CDH12: variants seen among roughly 807,000 people sequenced by gnomAD.
CDH12 encodes the protein cadherin-12.
Under a neutral mutation model 74.1 loss-of-function variants are expected in CDH12, and 41 were observed. The observed-to-expected ratio is 0.55, with a 90% CI of 0.43 to 0.72. The LOEUF (loss-of-function observed/expected upper bound fraction) is 0.72. Ranked by LOEUF, CDH12 falls within the 30% of genes least tolerant of loss-of-function variation. CDH12 has a pLI of 0.00. For missense variants in CDH12, 945 were observed against 977.2 expected (o/e 0.97, Z 0.44); for synonymous variants, 399 against 355.0 (o/e 1.12, Z -1.39).
intron 6 of CDH12, among the ~76,000 whole-genome samples, chr5:21,875,896 A>ATTT (rs34435511): frequency 0.014 from 1,885 of 136,738 alleles, 54 homozygotes; most frequent in East Asian, 0.031. Flanking sequence ...CTTTGCGGGC[A>ATTT]TTTTTTTTTT....
chr5:21,783,770 T>C (rs1429917345), intron 10 of CDH12, among the ~76,000 whole-genome samples: 1 of 152,172 alleles, frequency 6.6e-6, no homozygotes, highest in Non-Finnish European at 1.5e-5. Flanking sequence ...AAGCTGACCA[T>C]GAGTTTCCTT....
At chr5:22,045,630 G>A (rs557327935) in intron 5 of CDH12, among the ~76,000 whole-genome samples, 116 of 146,354 alleles carry the variant, frequency 7.9e-4, no homozygotes, top group African/African-American at 2.7e-3. Flanking sequence ...ATAAAATCTT[G>A]TCTTTTGGGA....
chr5:22,588,689 A>G (rs1449640412), intron 1 of CDH12, among the ~76,000 whole-genome samples: 1 of 152,204 alleles, frequency 6.6e-6, no homozygotes, highest in African/African-American at 2.4e-5. Context: ...ATTTAATTAG[A>G]TAAGAATAAT....
intron 8 of CDH12, among the ~76,000 whole-genome samples, chr5:21,821,168 A>T (rs1382296090): frequency 6.6e-6 from 1 of 151,820 alleles, no homozygotes; most frequent in Non-Finnish European, 1.5e-5. Flanking sequence ...ACTGATTAGG[A>T]CTTAAACTGT....
At chr5:21,834,043 C>T (rs1483175420) in intron 8 of CDH12, among the ~76,000 whole-genome samples, 3 of 151,880 alleles carry the variant, frequency 2.0e-5, no homozygotes, top group Non-Finnish European at 4.4e-5. Flanking sequence ...TTTTCAAAAA[C>T]AGGGACAGTG....
At chr5:21,944,677 C>T (rs1012366441) in intron 6 of CDH12, among the ~76,000 whole-genome samples, 4 of 152,202 alleles carry the variant, frequency 2.6e-5, no homozygotes, top group Non-Finnish European at 5.9e-5. Flanking sequence ...CTTCTTCCAA[C>T]TCCTACTCCT....
intron 1 of CDH12, among the ~76,000 whole-genome samples, chr5:22,657,695 T>G: frequency 6.6e-6 from 1 of 152,312 alleles, no homozygotes; most frequent in Non-Finnish European, 1.5e-5. Context: ...TACCTAATTC[T>G]TTATAACAGA....
At chr5:21,809,169 A>G (rs1276070184) in intron 9 of CDH12, among the ~76,000 whole-genome samples, 1 of 152,116 alleles carries the variant, frequency 6.6e-6, no homozygotes, top group Non-Finnish European at 1.5e-5. Flanking sequence ...AAATTTTCGT[A>G]GTTTTAACAA....
intron 9 of CDH12, among the ~76,000 whole-genome samples, chr5:21,806,529 C>T (rs1207791107): frequency 6.6e-6 from 1 of 152,100 alleles, no homozygotes; most frequent in Non-Finnish European, 1.5e-5. Flanking sequence ...ATGCTCTGGG[C>T]CACCATTCTT....
At chr5:22,847,386 C>T (rs1044104002) in intron 1 of CDH12, among the ~76,000 whole-genome samples, 1 of 152,154 alleles carries the variant, frequency 6.6e-6, no homozygotes, top group Admixed American at 6.5e-5. Context: ...AATATTGACT[C>T]AGAAAGTTGC....
intron 1 of CDH12, among the ~76,000 whole-genome samples, chr5:22,829,491 A>G (rs1736483488): frequency 6.6e-6 from 1 of 152,150 alleles, no homozygotes; most frequent in Admixed American, 6.6e-5. Context: ...ATTGTGTGAA[A>G]ATTACACAAT....
chr5:22,189,767 T>A lies in CDH12; in HGVS notation c.-187+22731A>T, dbSNP rs1185102098. On this transcript the variant is annotated intron_variant, in intron 4 of 14. Coordinates refer to ENST00000382254, the MANE Select transcript of CDH12 (RefSeq NM_004061.5). ...AAAAAATTCCTATTTTTAATCATAG[T>A]GCTCAATAGTGGCACATGCAATGGC... is the stretch of plus-strand genomic sequence containing the variant. 9.2e-5 allele frequency among the ~76,000 whole-genome samples: 14 copies of A among 152,142 alleles called. No homozygotes were observed. In the East Asian group the frequency reaches 2.7e-3, roughly 30 times the overall value.
chr5:22,690,755 A>G (rs1742040988), intron 1 of CDH12, among the ~76,000 whole-genome samples: 1 of 152,180 alleles, frequency 6.6e-6, no homozygotes, highest in East Asian at 1.9e-4. Context: ...GGGGTATTAT[A>G]AAATTCTAAT....
intron 3 of CDH12, among the ~76,000 whole-genome samples, chr5:22,306,302 C>T (rs1738109793): frequency 6.6e-6 from 1 of 151,212 alleles, no homozygotes; most frequent in Non-Finnish European, 1.5e-5. Context: ...TACACAGAGA[C>T]ACAGAGAATA....
intron 10 of CDH12, among the ~76,000 whole-genome samples, chr5:21,790,102 C>T (rs1191806049): frequency 6.6e-6 from 1 of 152,024 alleles, no homozygotes; most frequent in Non-Finnish European, 1.5e-5. Flanking sequence ...GCCCAGAAAA[C>T]TCCTCAAGAG....
chr5:22,466,776 C>CTTTTTTTTTTTTTTTTTTTTTT (rs70959733), intron 2 of CDH12, among the ~76,000 whole-genome samples: 1 of 50,968 alleles, frequency 2.0e-5, no homozygotes, highest in Non-Finnish European at 3.3e-5. Context: ...CCTCAGGAAT[C>CTTTTTTTTTTTTTTTTTTTTTT]TTTTTTTTTT....
chr5:22,525,064 G>T (rs1271633177), intron 1 of CDH12, among the ~76,000 whole-genome samples: 1 of 151,072 alleles, frequency 6.6e-6, no homozygotes, highest in Non-Finnish European at 1.5e-5. Context: ...GCAGTGTTTG[G>T]TTTTTTGTCC....
At chr5:22,319,578 A>T (rs1192522414) in intron 3 of CDH12, among the ~76,000 whole-genome samples, 5 of 152,188 alleles carry the variant, frequency 3.3e-5, no homozygotes, top group Non-Finnish European at 7.3e-5. Flanking sequence ...TAAGAATTAG[A>T]TAAAATCAGG....
chr5:22,749,475 A>G (rs1561003036), intron 1 of CDH12, among the ~76,000 whole-genome samples: 1 of 152,204 alleles, frequency 6.6e-6, no homozygotes, highest in Non-Finnish European at 1.5e-5. Flanking sequence ...GGACTTGCAG[A>G]TTTAAATGCT....
Sources: gnomAD v4.1 joint callset for allele counts (sites outside exome capture counted in the v4.1 genomes callset) on GRCh38, gnomAD v4.1.1 for gene constraint, MANE v1.5 for transcripts, NCBI Gene and HGNC (gene_info 2026-07-23, HGNC 2026-07-21) for gene names.